The following TAPT1 variants were observed in gnomAD, a reference collection of about 807,000 sequenced individuals.
TAPT1 encodes the protein transmembrane anterior posterior transformation protein 1 homolog.
TAPT1 carries 28 observed loss-of-function variants against 65.6 expected under a neutral mutation model. The ratio of observed to expected loss-of-function variants is 0.43; its 90% CI spans 0.32 to 0.59. The LOEUF (loss-of-function observed/expected upper bound fraction) is 0.59. TAPT1 is among the 20% of genes least tolerant of loss of function. TAPT1 has a pLI of 0.09. For synonymous variants in TAPT1, 278 were observed against 245.2 expected (o/e 1.13, Z -1.25); for missense variants, 563 against 679.9 (o/e 0.83, Z 1.91).
At chr4:16,216,883 T>C (rs1750970909) in intron 1 of TAPT1, among the ~76,000 whole-genome samples, 1 of 152,152 alleles carries the variant, frequency 6.6e-6, no homozygotes, top group Non-Finnish European at 1.5e-5. Flanking sequence ...GGTTCTTCAT[T>C]ACCTCCAGAA....
At chr4:16,208,113 GA>G (rs1188645938) in intron 2 of TAPT1, among the ~76,000 whole-genome samples, 2 of 152,182 alleles carry the variant, frequency 1.3e-5, no homozygotes, top group African/African-American at 4.8e-5. Flanking sequence ...AATACCATGA[GA>G]GGGGAATAAG....
At chr4:16,216,756 A>G (rs1750963128) in intron 1 of TAPT1, among the ~76,000 whole-genome samples, 1 of 152,130 alleles carries the variant, frequency 6.6e-6, no homozygotes, top group African/African-American at 2.4e-5. Flanking sequence ...GGTTATTGCA[A>G]AAGCTTCTTG....
chr4:16,210,449 G>C (rs1041304840), intron 2 of TAPT1, among the ~76,000 whole-genome samples: 1 of 152,106 alleles, frequency 6.6e-6, no homozygotes, highest in Non-Finnish European at 1.5e-5. Context: ...GAATGTAATC[G>C]GGGACAAGCA....
intron 4 of TAPT1, among the ~76,000 whole-genome samples, chr4:16,188,688 A>G (rs1039207617): frequency 1.3e-5 from 2 of 152,138 alleles, no homozygotes; most frequent in African/African-American, 4.8e-5. Flanking sequence ...TGGGAGGCCG[A>G]GGTGGGCGGA....
At chr4:16,204,974 A>T (rs1750256656) in intron 2 of TAPT1, among the ~76,000 whole-genome samples, 1 of 152,362 alleles carries the variant, frequency 6.6e-6, no homozygotes, top group South Asian at 2.1e-4. Flanking sequence ...AGTAAACAAA[A>T]TATTCACTTG....
At chr4:16,169,888 T>C (rs1747881415) in intron 12 of TAPT1, among the ~76,000 whole-genome samples, 1 of 152,234 alleles carries the variant, frequency 6.6e-6, no homozygotes, top group African/African-American at 2.4e-5. Flanking sequence ...TTGTGACTGC[T>C]ATGCTTACCC....
At chr4:16,188,077 CA>C (rs1483552896) in intron 5 of TAPT1, 142 bp downstream of exon 5, 1 of 696,354 alleles carries the variant, frequency 1.4e-6, no homozygotes, top group Non-Finnish European at 2.2e-6. Flanking sequence ...ATCAATTTCT[CA>C]ACAGAACACA....
intron 1 of TAPT1, among the ~76,000 whole-genome samples, chr4:16,221,966 T>C (rs959522602): frequency 6.6e-6 from 1 of 152,190 alleles, no homozygotes; most frequent in Non-Finnish European, 1.5e-5. Flanking sequence ...TTTAAGATGT[T>C]TGAAAAAATG....
At chr4:16,166,881 T>C in intron 12 of TAPT1, 88 bp from the exon 13 acceptor site, 1 of 1,300,426 alleles carries the variant, frequency 7.7e-7, no homozygotes, top group East Asian at 2.4e-5. Flanking sequence ...AAGGAGAAGG[T>C]GGGGGGGCAT....
At chr4:16,203,623 A>G in intron 2 of TAPT1, among the ~76,000 whole-genome samples, 1 of 152,280 alleles carries the variant, frequency 6.6e-6, no homozygotes, top group East Asian at 1.9e-4. Context: ...CAGAGGAGAG[A>G]TAATATGAAG....
rs138403837 is a variant in TAPT1, at chr4:16,178,226, G to A, written c.997+1351C>T. On this transcript the variant is annotated intron_variant, in intron 8 of 13. Transcript: ENST00000405303. ...TCTAGCTGTGTGTGTGGAGGAAGAGGCTTTTCCACCACAAGCCAGGTAGCC... is the reference window on the plus strand; with the variant it reads ...TCTAGCTGTGTGTGTGGAGGAAGAGACTTTTCCACCACAAGCCAGGTAGCC... Among the ~76,000 whole-genome samples, 7 of 152,184 alleles carry A rather than the reference G, an allele frequency of 4.6e-5. No homozygotes were observed. In the East Asian group the frequency reaches 1.4e-3, roughly 29 times the overall value.
intron 13 of TAPT1, among the ~76,000 whole-genome samples, chr4:16,166,138 C>T (rs1747601474): frequency 6.6e-6 from 1 of 152,160 alleles, no homozygotes; most frequent in African/African-American, 2.4e-5. Flanking sequence ...GCTGGGCCTG[C>T]CGGGCCTCTG....
In TAPT1 at chr4:16,163,387, G is replaced by T; in HGVS notation, c.1625C>A (p.Ser542Tyr). 6.2e-7 allele frequency: 1 copy of T among 1,613,942 alleles called. No individual in the cohort carries two copies. Among genetic ancestry groups the T allele is most frequent in the Non-Finnish European group, 8.5e-7 (1 of 1,179,884 alleles). Residue 542 changes from serine (S) to tyrosine (Y), a missense_variant, in exon 14 of 14, where the codon TCT becomes TAT. By Grantham distance (144) the Ser-to-Tyr change is moderately radical. Around this residue, in one of 5 missense-constraint regions of TAPT1, gnomAD observed 136 missense variants for 153.9 expected, o/e 0.88. Coordinates refer to ENST00000405303, the MANE Select transcript of TAPT1 (RefSeq NM_153365.3). ...GDEKDITQDN[S>Y]ELKHRSSKKD... Reference sequence around the variant, plus strand: ...CTTTGAGGATCTGTGTTTTAATTCAGAATTGTCCTGCGTTATGTCCTTCTC... The same window carrying T: ...CTTTGAGGATCTGTGTTTTAATTCATAATTGTCCTGCGTTATGTCCTTCTC...
At chr4:16,174,872 T>A in intron 9 of TAPT1, 143 bp from the exon 10 acceptor site, 1 of 554,468 alleles carries the variant, frequency 1.8e-6, no homozygotes, top group Non-Finnish European at 3.0e-6. Flanking sequence ...CATAATTTCT[T>A]ATTTGTTTTC....
At chr4:16,195,114 T>C (rs975919031) in intron 3 of TAPT1, among the ~76,000 whole-genome samples, 1 of 152,190 alleles carries the variant, frequency 6.6e-6, no homozygotes, top group Non-Finnish European at 1.5e-5. Flanking sequence ...GGTGGCATCT[T>C]AAAAGACAGC....
intron 7 of TAPT1, among the ~76,000 whole-genome samples, chr4:16,183,763 A>G (rs948768352): frequency 6.6e-6 from 1 of 152,226 alleles, no homozygotes. Flanking sequence ...GAAGCAAAGT[A>G]TTCTATAATT....
Position 16,202,594 on chromosome 4 carries a change from A to G in TAPT1, c.331-14T>C. 2 of 1,382,738 alleles carry G rather than the reference A, an allele frequency of 1.4e-6. No homozygotes were observed. Among genetic ancestry groups the G allele is most frequent in the Non-Finnish European group, 2.0e-6 (2 of 1,019,736 alleles). 85.7% of individuals were successfully genotyped at this position (1,382,738 alleles called of 1,614,324 possible). A position where few individuals can be genotyped will look rare whatever the true frequency, so the allele number is the denominator to read the frequency against. On this transcript the variant is annotated splice_polypyrimidine_tract_variant and intron_variant, in intron 2 of 13. Transcript: ENST00000405303. ...AAAAACCATCAGCTGAATTTTAACA[A>G]GGAGAGAAGAAAAAAAAAAAGTATT... is the stretch of plus-strand genomic sequence containing the variant.
At chr4:16,196,432 A>G (rs536431524) in intron 3 of TAPT1, among the ~76,000 whole-genome samples, 1 of 152,378 alleles carries the variant, frequency 6.6e-6, no homozygotes, top group African/African-American at 2.4e-5. Context: ...ATGACTTTTG[A>G]GCGGATTTTC....
chr4:16,225,881 TG>T, intron 1 of TAPT1: 1 of 985,746 alleles, frequency 1.0e-6, no homozygotes, highest in Non-Finnish European at 1.2e-6. Context: ...CACCTTGGCA[TG>T]AATATAATTA....
Sources: gnomAD v4.1 joint callset for allele counts (sites outside exome capture counted in the v4.1 genomes callset) on GRCh38, gnomAD v4.1.1 for gene constraint, gnomAD v4.1.1 regional missense constraint, MANE v1.5 for transcripts, NCBI Gene and HGNC (gene_info 2026-07-23, HGNC 2026-07-21) for gene names.